The following CHLSN variants were observed in gnomAD, a reference collection of about 807,000 sequenced individuals.
The protein encoded by CHLSN is cholesin, also known as protein cholesin.
chr7:986,324 A>T, the CHLSN span: 1 of 443,354 alleles, frequency 2.3e-6, no homozygotes, highest in East Asian at 4.8e-5. Context: ...TCCATGACTC[A>T]CAGGAGGTTC....
chr7:1,091,849 G>T, the CHLSN span: 2 of 1,611,718 alleles, frequency 1.2e-6, no homozygotes. Flanking sequence ...CCTGGGCACC[G>T]CCCTGGCCAA....
the CHLSN span, among the ~76,000 whole-genome samples, chr7:1,079,526 C>A: frequency 6.6e-6 from 1 of 151,948 alleles, no homozygotes; most frequent in Non-Finnish European, 1.5e-5. Flanking sequence ...ACTACTTATC[C>A]ATTAAAAATG....
the CHLSN span, among the ~76,000 whole-genome samples, chr7:982,209 C>T: frequency 1.3e-5 from 2 of 152,326 alleles, no homozygotes; most frequent in South Asian, 4.1e-4. Flanking sequence ...TAGTGAGCTC[C>T]CCACCACAGG....
chr7:1,111,210 T>A, the CHLSN span, among the ~76,000 whole-genome samples: 37 of 152,392 alleles, frequency 2.4e-4, 1 homozygote, highest in East Asian at 6.9e-3. Context: ...TTTTTAGAAT[T>A]AACTGATTAA....
the CHLSN span, among the ~76,000 whole-genome samples, chr7:1,118,864 T>A: frequency 0.37 from 55,316 of 147,924 alleles, 10,796 homozygotes; most frequent in Middle Eastern, 0.47. Flanking sequence ...TATTTTTTTT[T>A]AAAAAAACTA....
At chr7:1,000,766 T>C in the CHLSN span, among the ~76,000 whole-genome samples, 3 of 152,086 alleles carry the variant, frequency 2.0e-5, no homozygotes, top group African/African-American at 2.4e-5. Flanking sequence ...CCAGGAAGCA[T>C]GTGGACGCCA....
the CHLSN span, among the ~76,000 whole-genome samples, chr7:1,023,926 G>C: frequency 6.6e-6 from 1 of 152,098 alleles, no homozygotes; most frequent in Non-Finnish European, 1.5e-5. The surrounding 1 kb of genome is among the most constrained non-coding windows in gnomAD (Gnocchi z 5.0). Context: ...CTGCAGCCTC[G>C]ACCTCCTGGG....
At chr7:1,005,492 C>T in the CHLSN span, among the ~76,000 whole-genome samples, 166 of 152,362 alleles carry the variant, frequency 1.1e-3, 1 homozygote, top group Non-Finnish European at 2.0e-3. Flanking sequence ...GGGGCTGGCG[C>T]GGACAGGGGC....
chr7:991,287 C>T, the CHLSN span, among the ~76,000 whole-genome samples: 5 of 152,290 alleles, frequency 3.3e-5, no homozygotes, highest in East Asian at 1.9e-4. Flanking sequence ...CCGACTCACG[C>T]GACCTCTCAC....
chr7:1,131,865 G>C, the CHLSN span, among the ~76,000 whole-genome samples: 1 of 152,198 alleles, frequency 6.6e-6, no homozygotes, highest in Non-Finnish European at 1.5e-5. Context: ...CTAAGGGAAA[G>C]TGACTCAAGC....
the CHLSN span, among the ~76,000 whole-genome samples, chr7:1,053,043 G>A: frequency 6.6e-6 from 1 of 152,350 alleles, no homozygotes; most frequent in Non-Finnish European, 1.5e-5. Context: ...ATGGCTGACG[G>A]GAAAGAAGGC....
the CHLSN span, among the ~76,000 whole-genome samples, chr7:1,008,215 G>C: frequency 6.6e-6 from 1 of 152,174 alleles, no homozygotes; most frequent in African/African-American, 2.4e-5. Context: ...CACCTTCCAG[G>C]CCTGTGTCCA....
At chr7:1,110,097 G>A in the CHLSN span, among the ~76,000 whole-genome samples, 1 of 152,180 alleles carries the variant, frequency 6.6e-6, no homozygotes, top group Non-Finnish European at 1.5e-5. Flanking sequence ...GCAGAGGCGA[G>A]CGGGTGCCCA....
chr7:1,121,266 C>T, the CHLSN span, among the ~76,000 whole-genome samples: 1 of 151,498 alleles, frequency 6.6e-6, no homozygotes, highest in African/African-American at 2.4e-5. Context: ...AGCAGTCAGA[C>T]AGGAGAAAAT....
chr7:1,039,623 T>C, the CHLSN span, among the ~76,000 whole-genome samples: 3 of 64,272 alleles, frequency 4.7e-5, no homozygotes, highest in African/African-American at 1.5e-4. Context: ...CCGCCCCTAC[T>C]GGGAAGTGAG....
At chr7:1,027,532 G>T in the CHLSN span, among the ~76,000 whole-genome samples, 1 of 152,398 alleles carries the variant, frequency 6.6e-6, no homozygotes, top group Admixed American at 6.5e-5. Context: ...CCCAAACCCG[G>T]CTGAGCCCCG....
the CHLSN span, among the ~76,000 whole-genome samples, chr7:1,000,894 G>T: frequency 6.6e-6 from 1 of 152,204 alleles, no homozygotes; most frequent in Admixed American, 6.5e-5. Context: ...TCTCTGGGAG[G>T]AAAGGGAGCG....
At chr7:1,111,088 CA>C in the CHLSN span, among the ~76,000 whole-genome samples, 2 of 151,720 alleles carry the variant, frequency 1.3e-5, no homozygotes, top group Non-Finnish European at 2.9e-5. Flanking sequence ...AAGAAAAAAG[CA>C]AAAAAAACAA....
chr7:984,644 C>T, the CHLSN span: 1 of 1,500,104 alleles, frequency 6.7e-7, no homozygotes, highest in Admixed American at 2.4e-5. Flanking sequence ...GGGGTGGGGG[C>T]TCCAGCAGCG....
Sources: allele counts gnomAD v4.1 joint callset (sites outside exome capture counted in the v4.1 genomes callset), GRCh38; gene constraint gnomAD v4.1.1; non-coding constraint Gnocchi (gnomAD v3.1); transcripts MANE v1.5; gene names NCBI Gene and HGNC (gene_info 2026-07-23, HGNC 2026-07-21).